Variants in OR9Q1 observed in about 807,000 individuals in gnomAD.
OR9Q1 encodes the protein olfactory receptor 9Q1.
For missense variants in OR9Q1, 374 were observed against 378.8 expected, an observed-to-expected ratio of 0.99 and a Z score of 0.11; for synonymous variants, 153 against 148.6, an observed-to-expected ratio of 1.03 and a Z score of -0.22.
intron 2 of OR9Q1, among the ~76,000 whole-genome samples, chr11:58,066,245 T>A (rs74484814): frequency 0.035 from 5,325 of 152,258 alleles, 102 homozygotes; most frequent in East Asian, 0.068. Flanking sequence ...GCAGCCCGGA[T>A]GAACATATCT....
chr11:58,151,459 G>A lies in OR9Q1; in HGVS notation c.-14-27972G>A, dbSNP rs185987638. Among the ~76,000 whole-genome samples, 51 of 152,288 alleles carry A rather than the reference G, an allele frequency of 3.3e-4. 1 individual carries two copies. The highest frequency in any genetic ancestry group is 6.2e-4 in the South Asian group (3 of 4,822). On this transcript the variant is annotated intron_variant, in intron 2 of 2. Transcript: ENST00000335397. ...TCATAGTTTACTTGGGGAAGGGGAT[G>A]TTCCTCAGGGAAGGCAAATCCAAAT... is the stretch of plus-strand genomic sequence containing the variant.
intron 2 of OR9Q1, among the ~76,000 whole-genome samples, chr11:58,146,256 C>T (rs1376598896): frequency 6.6e-6 from 1 of 152,142 alleles, no homozygotes; most frequent in Non-Finnish European, 1.5e-5. Context: ...TAATGAAAAC[C>T]ATTATCTACT....
At chr11:58,044,917 C>G (rs1187568643) in intron 1 of OR9Q1, 1 of 152,170 alleles carries the variant, frequency 6.6e-6, no homozygotes, top group Non-Finnish European at 1.5e-5. Context: ...ATCTGGAATG[C>G]TCCAAAATCC....
At chr11:58,166,396 T>C (rs1854505087) in intron 2 of OR9Q1, among the ~76,000 whole-genome samples, 1 of 152,230 alleles carries the variant, frequency 6.6e-6, no homozygotes, top group Non-Finnish European at 1.5e-5. Context: ...TATTTACTTT[T>C]TGTATTTCAA....
In OR9Q1 at chr11:58,118,793, A is replaced by G. The variant is rs906173492; in HGVS notation, c.-14-60638A>G. On this transcript the variant is annotated intron_variant, in intron 2 of 2. Transcript: ENST00000335397. ...AAAATGGTCTTGATGATGAGCAGAT[A>G]GGAAATCAGGATGACGGAGGCATTG... 5.6e-6 allele frequency: 9 copies of G among 1,614,000 alleles called. No homozygotes were observed. In the Admixed American group the frequency reaches 1.0e-4, roughly 18 times the overall value.
chr11:58,047,799 G>T (rs1038626603), intron 1 of OR9Q1, among the ~76,000 whole-genome samples: 1 of 151,870 alleles, frequency 6.6e-6, no homozygotes, highest in Non-Finnish European at 1.5e-5. Flanking sequence ...CAGAAGAATC[G>T]CTTGAACTCA....
intron 2 of OR9Q1, among the ~76,000 whole-genome samples, chr11:58,065,717 C>T (rs1431387517): frequency 6.6e-6 from 1 of 152,118 alleles, no homozygotes; most frequent in African/African-American, 2.4e-5. Context: ...CTGGGCTCTG[C>T]TGTCCAGCAA....
chr11:58,107,093 T>C (rs1271481001), intron 2 of OR9Q1, among the ~76,000 whole-genome samples: 1 of 151,490 alleles, frequency 6.6e-6, no homozygotes, highest in East Asian at 2.0e-4. Context: ...GTTTTCCAAT[T>C]AATGAATGTG....
At chr11:58,076,710 C>T (rs1028127797) in intron 2 of OR9Q1, among the ~76,000 whole-genome samples, 2 of 152,154 alleles carry the variant, frequency 1.3e-5, no homozygotes, top group Non-Finnish European at 2.9e-5. Flanking sequence ...TGGTCTTGAA[C>T]TCTTGGGCTC....
At chr11:58,106,853 A>G (rs142138562) in intron 2 of OR9Q1, among the ~76,000 whole-genome samples, 127 of 152,214 alleles carry the variant, frequency 8.3e-4, no homozygotes, top group African/African-American at 2.9e-3. Context: ...ATTGATGTAT[A>G]TGTCTATTTT....
intron 1 of OR9Q1, among the ~76,000 whole-genome samples, chr11:58,034,566 A>G (rs1853076903): frequency 6.6e-6 from 1 of 152,128 alleles, no homozygotes; most frequent in Non-Finnish European, 1.5e-5. Flanking sequence ...TATATGTATC[A>G]TCGGTGGTTG....
At chr11:58,136,741 T>C (rs1854193187) in intron 2 of OR9Q1, among the ~76,000 whole-genome samples, 1 of 152,176 alleles carries the variant, frequency 6.6e-6, no homozygotes, top group Non-Finnish European at 1.5e-5. Context: ...CATTGCAAAA[T>C]GGACAGAGTT....
chr11:58,039,655 T>G (rs183101190), intron 1 of OR9Q1, among the ~76,000 whole-genome samples: 1 of 152,358 alleles, frequency 6.6e-6, no homozygotes, highest in East Asian at 1.9e-4. Context: ...TGTCCTCATT[T>G]ACTCCAAGGC....
chr11:58,170,689 G>A (rs1854546220), intron 2 of OR9Q1, among the ~76,000 whole-genome samples: 1 of 152,134 alleles, frequency 6.6e-6, no homozygotes, highest in Non-Finnish European at 1.5e-5. Context: ...CATGAGATCT[G>A]ATGGTTTTAT....
intron 1 of OR9Q1, among the ~76,000 whole-genome samples, chr11:58,037,684 T>TAG (rs1853118221): frequency 1.1e-4 from 1 of 9,138 alleles, no homozygotes; most frequent in Admixed American, 2.7e-3. Context: ...TATATATATA[T>TAG]ATATATTTTT....
Position 58,132,631 on chromosome 11 carries a change from G to T in OR9Q1, c.-14-46800G>T, listed in dbSNP as rs75175916. On this transcript the variant is annotated intron_variant, in intron 2 of 2. Transcript: ENST00000335397. Reference sequence around the variant, plus strand: ...ATTTCACTCAGGCTCTGTAAATGAGGTTGGTCAGAAAGGGTCACCTTGGGT... The same window carrying T: ...ATTTCACTCAGGCTCTGTAAATGAGTTTGGTCAGAAAGGGTCACCTTGGGT... Among the ~76,000 whole-genome samples, 756 of 152,268 alleles carry T rather than the reference G, an allele frequency of 5.0e-3. 8 individuals carry two copies. Among genetic ancestry groups the T allele is most frequent in the African/African-American group, 0.017 (726 of 41,546 alleles).
Position 58,068,064 on chromosome 11 carries a change from C to T in OR9Q1, c.-15+12117C>T, listed in dbSNP as rs542365228. Among the ~76,000 whole-genome samples, 13 of 152,218 alleles carry T rather than the reference C, an allele frequency of 8.5e-5. No homozygotes were observed. The East Asian group carries it at 2.3e-3, about 27-fold the overall frequency. ...ATAAAGCCCAGGACACCCAGCCGGGCATGGTGGCTCACGCCTGTAATCCCA... is the reference window on the plus strand; with the variant it reads ...ATAAAGCCCAGGACACCCAGCCGGGTATGGTGGCTCACGCCTGTAATCCCA... On this transcript the variant is annotated intron_variant, in intron 2 of 2. Transcript: ENST00000335397.
rs11335783 is a variant in OR9Q1, at chr11:58,048,496, CAA to C, written c.-92-7358_-92-7357del. Among the ~76,000 whole-genome samples, 424 of 123,420 alleles carry C rather than the reference CAA, an allele frequency of 3.4e-3. 2 individuals are homozygous for C. Among genetic ancestry groups the C allele is most frequent in the South Asian group, 8.5e-3 (32 of 3,746 alleles). 81.0% of individuals were successfully genotyped at this position (123,420 alleles called of 152,430 possible). A position where few individuals can be genotyped will look rare whatever the true frequency, so the allele number is the denominator to read the frequency against. On this transcript the variant is annotated intron_variant, in intron 1 of 2. Transcript: ENST00000335397. ...TGAAACCCCACCTCTACTAAAAATA[CAA>C]AAAAAAAAAAAAAAATAGCCGGGCA...
At chr11:58,143,276 T>C (rs1186403576) in intron 2 of OR9Q1, among the ~76,000 whole-genome samples, 1 of 152,194 alleles carries the variant, frequency 6.6e-6, no homozygotes, top group Non-Finnish European at 1.5e-5. Context: ...TAATCCTCAT[T>C]TAACCAAGAA....
Sources: gnomAD v4.1 joint callset for allele counts (sites outside exome capture counted in the v4.1 genomes callset) on GRCh38, gnomAD v4.1.1 for gene constraint, MANE v1.5 for transcripts, NCBI Gene and HGNC (gene_info 2026-07-23, HGNC 2026-07-21) for gene names.